MEMO1: variants seen among roughly 807,000 people sequenced by gnomAD.
MEMO1 encodes the protein protein MEMO1.
MEMO1 carries 6 observed loss-of-function variants against 45.2 expected under a neutral mutation model. That is an observed-to-expected ratio of 0.13 (90% CI 0.07 to 0.26). The LOEUF is 0.26. MEMO1 is among the 10% of genes least tolerant of loss of function. MEMO1 has a pLI of 1.00. For missense variants in MEMO1, 184 were observed against 370.5 expected, an observed-to-expected ratio of 0.50 and a Z score of 4.13; for synonymous variants, 78 against 124.3, an observed-to-expected ratio of 0.63 and a Z score of 2.48.
At chr2:31,965,371 G>C (rs1280910170) in intron 2 of MEMO1, among the ~76,000 whole-genome samples, 3 of 152,030 alleles carry the variant, frequency 2.0e-5, no homozygotes, top group Non-Finnish European at 2.9e-5. Flanking sequence ...AATGTGGTGG[G>C]AGAAACTAAT....
At chr2:31,925,468 T>C (rs1479034046) in intron 4 of MEMO1, among the ~76,000 whole-genome samples, 1 of 36,098 alleles carries the variant, frequency 2.8e-5, no homozygotes, top group African/African-American at 1.2e-4. Context: ...AGAGCAAGAC[T>C]CCGTCTCAAA....
intron 2 of MEMO1, among the ~76,000 whole-genome samples, chr2:31,978,417 G>C (rs570052997): frequency 6.6e-6 from 1 of 152,250 alleles, no homozygotes; most frequent in Admixed American, 6.6e-5. Flanking sequence ...AGAAATGCAA[G>C]TGCAAATGCC....
intron 2 of MEMO1, among the ~76,000 whole-genome samples, chr2:31,976,742 G>A (rs1006139454): frequency 7.3e-5 from 11 of 151,584 alleles, no homozygotes; most frequent in African/African-American, 2.4e-4. Context: ...TTTTCTTTTA[G>A]AGAGTCTTTC....
chr2:31,951,285 G>A (rs1053664925), intron 2 of MEMO1, among the ~76,000 whole-genome samples: 2 of 152,038 alleles, frequency 1.3e-5, no homozygotes, highest in African/African-American at 2.4e-5. Context: ...CTACTGACTG[G>A]AAAACACATC....
intron 2 of MEMO1, among the ~76,000 whole-genome samples, chr2:31,974,014 T>C (rs1669714008): frequency 6.6e-6 from 1 of 152,194 alleles, no homozygotes. Flanking sequence ...TTTAGATAAA[T>C]CTTTTTATAG....
At chr2:32,005,318 C>CAAAA (rs1305881226) in intron 2 of MEMO1, among the ~76,000 whole-genome samples, 1 of 57,330 alleles carries the variant, frequency 1.7e-5, no homozygotes, top group Non-Finnish European at 3.5e-5. Context: ...ACTCTGTCAC[C>CAAAA]AAAAAAAAAA....
intron 7 of MEMO1, among the ~76,000 whole-genome samples, chr2:31,888,812 G>C (rs1676538346): frequency 6.6e-6 from 1 of 152,028 alleles, no homozygotes; most frequent in African/African-American, 2.4e-5. Context: ...GAACTCAAAT[G>C]AGGGGATTGA....
chr2:31,955,143 A>G (rs72860950), intron 2 of MEMO1, among the ~76,000 whole-genome samples: 1,598 of 152,074 alleles, frequency 0.011, 18 homozygotes, highest in African/African-American at 0.037. Flanking sequence ...GGGCTGAGGC[A>G]GGAAGATCGC....
At chr2:31,908,807 T>C (rs1680141929) in intron 6 of MEMO1, among the ~76,000 whole-genome samples, 1 of 152,210 alleles carries the variant, frequency 6.6e-6, no homozygotes, top group East Asian at 1.9e-4. Flanking sequence ...AAATTGGGCC[T>C]TACAAGAGTT....
At chr2:31,950,124 T>A (rs1031677780) in intron 2 of MEMO1, among the ~76,000 whole-genome samples, 1 of 152,188 alleles carries the variant, frequency 6.6e-6, no homozygotes, top group Non-Finnish European at 1.5e-5. Flanking sequence ...CTCACGCCTG[T>A]AATCCCAACA....
At chr2:31,932,218 G>A in intron 3 of MEMO1, 83 bp from the exon 4 acceptor site, 1 of 1,114,130 alleles carries the variant, frequency 9.0e-7, no homozygotes, top group Non-Finnish European at 1.3e-6. Flanking sequence ...AATAAATACA[G>A]TACCTATGGT....
At chr2:31,933,176 G>C (rs1010494879) in intron 3 of MEMO1, among the ~76,000 whole-genome samples, 3 of 150,366 alleles carry the variant, frequency 2.0e-5, no homozygotes, top group African/African-American at 7.3e-5. Flanking sequence ...AGAAAATAGC[G>C]AGGCATGGTG....
intron 2 of MEMO1, among the ~76,000 whole-genome samples, chr2:32,006,863 G>A (rs1558574324): frequency 6.6e-6 from 1 of 151,654 alleles, no homozygotes. Flanking sequence ...TACTCAGGAG[G>A]CTGAGGCAGA....
intron 6 of MEMO1, among the ~76,000 whole-genome samples, chr2:31,904,129 G>C (rs1329833344): frequency 6.6e-6 from 1 of 152,224 alleles, no homozygotes; most frequent in East Asian, 1.9e-4. Flanking sequence ...AAGAGGCATA[G>C]GAGCTTTACC....
chr2:31,893,249 A>T (rs1677220814), intron 6 of MEMO1: 1 of 956,796 alleles, frequency 1.0e-6, no homozygotes, highest in South Asian at 2.1e-5. Context: ...TACCCTGTCA[A>T]TTGCGAAATA....
At chr2:31,871,604 C>T (rs74970033) in intron 8 of MEMO1, among the ~76,000 whole-genome samples, 1,877 of 152,024 alleles carry the variant, frequency 0.012, 25 homozygotes, top group Non-Finnish European at 0.021. Flanking sequence ...TCAGATTGGT[C>T]CACAATCAGT....
chr2:31,907,515 C>T (rs1679937369), intron 6 of MEMO1, among the ~76,000 whole-genome samples: 1 of 152,028 alleles, frequency 6.6e-6, no homozygotes, highest in African/African-American at 2.4e-5. Context: ...ACTAGTAAGT[C>T]CGGGCACAGT....
intron 2 of MEMO1, among the ~76,000 whole-genome samples, chr2:31,986,592 A>G (rs1388903282): frequency 1.3e-5 from 2 of 152,216 alleles, no homozygotes; most frequent in Non-Finnish European, 2.9e-5. Flanking sequence ...AAACATATTA[A>G]TAAGTTTTGC....
chr2:31,943,947 C>T (rs756784164), intron 2 of MEMO1, among the ~76,000 whole-genome samples: 3 of 152,166 alleles, frequency 2.0e-5, no homozygotes, highest in Non-Finnish European at 4.4e-5. Context: ...CAGTTCACTA[C>T]CAGAAACCTG....
Sources: gnomAD v4.1 joint callset for allele counts (sites outside exome capture counted in the v4.1 genomes callset) on GRCh38, gnomAD v4.1.1 for gene constraint, MANE v1.5 for transcripts, NCBI Gene and HGNC (gene_info 2026-07-23, HGNC 2026-07-21) for gene names.